ASTN1: variants seen among roughly 807,000 people sequenced by gnomAD.
The protein encoded by ASTN1 is astrotactin-1.
A neutral mutation model predicts 140.7 loss-of-function variants in ASTN1; 41 were observed. The ratio of observed to expected loss-of-function variants is 0.29; its 90% CI spans 0.23 to 0.38. The LOEUF (loss-of-function observed/expected upper bound fraction) is 0.38, where lower values mean the gene tolerates loss of function less well. Among genes scored for constraint, ASTN1 ranks in the 10% least tolerant of loss-of-function variants. ASTN1 has a pLI of 1.00. For missense variants in ASTN1, 1,479 were observed against 1,678.8 expected (o/e 0.88, Z 2.08); for synonymous variants, 640 against 652.2 (o/e 0.98, Z 0.29).
intron 6 of ASTN1, 75 bp from the exon 7 acceptor site, chr1:177,023,646 A>G: frequency 7.1e-7 from 1 of 1,413,898 alleles, no homozygotes; most frequent in Non-Finnish European, 9.4e-7. Flanking sequence ...AAGACAAGGA[A>G]ATCCCAACCT....
chr1:177,099,263 T>A (rs776861949), intron 1 of ASTN1, among the ~76,000 whole-genome samples: 9 of 152,182 alleles, frequency 5.9e-5, no homozygotes, highest in Non-Finnish European at 1.0e-4. Flanking sequence ...TATAATTATA[T>A]TCCAGAGAAA....
intron 8 of ASTN1, among the ~76,000 whole-genome samples, chr1:176,985,207 A>G (rs777955275): frequency 2.1e-4 from 32 of 152,160 alleles, no homozygotes; most frequent in Non-Finnish European, 4.4e-4. Context: ...AGATAACATG[A>G]AAAGTCTTTT....
chr1:177,069,165 T>C (rs950281686), intron 1 of ASTN1, among the ~76,000 whole-genome samples: 1 of 152,108 alleles, frequency 6.6e-6, no homozygotes, highest in Non-Finnish European at 1.5e-5. Flanking sequence ...GAGTGACCTA[T>C]TGAAACTCCA....
intron 16 of ASTN1, among the ~76,000 whole-genome samples, chr1:176,930,795 G>A (rs1372967426): frequency 2.0e-5 from 3 of 152,174 alleles, no homozygotes; most frequent in African/African-American, 4.8e-5. Context: ...AGGAAGTAGA[G>A]AAAAGAGGTA....
chr1:177,041,788 T>C lies in ASTN1; in HGVS notation c.472-8939A>G, dbSNP rs138558342. 9.8e-3 allele frequency among the ~76,000 whole-genome samples: 1,494 copies of C among 152,082 alleles called. 25 individuals carry two copies. Among genetic ancestry groups the C allele is most frequent in the African/African-American group, 0.033 (1,349 of 41,500 alleles). On this transcript the variant is annotated intron_variant, in intron 2 of 22. Coordinates refer to ENST00000361833, the MANE Select transcript of ASTN1 (RefSeq NM_004319.3). ...CTGTTTTTCTCTGATCATAAAGGAG[T>C]TGTTTAATCCCTCTTTCTCCCATTT...
intron 1 of ASTN1, among the ~76,000 whole-genome samples, chr1:177,146,727 A>T (rs1311498003): frequency 6.6e-6 from 1 of 152,214 alleles, no homozygotes; most frequent in Admixed American, 6.5e-5. Flanking sequence ...CACTGGCAAC[A>T]CACACTGTCA....
At chr1:176,875,031 T>C (rs887634467) in intron 21 of ASTN1, among the ~76,000 whole-genome samples, 3 of 152,182 alleles carry the variant, frequency 2.0e-5, no homozygotes, top group African/African-American at 7.2e-5. Context: ...AGAAAGGCAT[T>C]GAACATATCA....
chr1:176,857,431 A>G (rs1667846178), downstream of ASTN1: 1 of 402,302 alleles, frequency 2.5e-6, no homozygotes, highest in South Asian at 1.3e-4. Flanking sequence ...AGACTTTGGG[A>G]TTATAGAAGG....
chr1:177,065,106 G>A (rs148539863), intron 1 of ASTN1, among the ~76,000 whole-genome samples: 284 of 152,316 alleles, frequency 1.9e-3, no homozygotes, highest in African/African-American at 6.4e-3. Context: ...TGAGGGTGTC[G>A]AGGAGGCTCA....
intron 7 of ASTN1, among the ~76,000 whole-genome samples, chr1:177,017,567 C>G (rs1485328295): frequency 6.6e-6 from 1 of 152,194 alleles, no homozygotes; most frequent in Admixed American, 6.5e-5. Flanking sequence ...CCCTCCTAAG[C>G]TAGAAGTGTT....
chr1:176,946,402 C>T (rs1399749060), intron 12 of ASTN1, among the ~76,000 whole-genome samples: 1 of 152,116 alleles, frequency 6.6e-6, no homozygotes, highest in Non-Finnish European at 1.5e-5. Context: ...TGTACAGTTA[C>T]CCAAATAGGT....
intron 8 of ASTN1, among the ~76,000 whole-genome samples, chr1:177,012,507 G>T (rs138465526): frequency 6.6e-6 from 1 of 152,240 alleles, no homozygotes; most frequent in African/African-American, 2.4e-5. Flanking sequence ...TAGAATAATG[G>T]AAATTAAAGA....
intron 1 of ASTN1, 77 bp from the exon 2 acceptor site, chr1:177,061,342 A>G (rs2102033759): frequency 7.4e-7 from 1 of 1,359,168 alleles, no homozygotes; most frequent in East Asian, 2.6e-5. Flanking sequence ...CGCCACTTGT[A>G]CCAATTAGCC....
chr1:176,992,846 AC>A (rs1405254033), intron 8 of ASTN1, among the ~76,000 whole-genome samples: 1 of 152,006 alleles, frequency 6.6e-6, no homozygotes, highest in Non-Finnish European at 1.5e-5. Flanking sequence ...TTGAATTGTC[AC>A]CCCCGAAACT....
intron 21 of ASTN1, among the ~76,000 whole-genome samples, chr1:176,871,223 C>A (rs1487208038): frequency 1.3e-5 from 2 of 152,082 alleles, no homozygotes; most frequent in African/African-American, 2.4e-5. Context: ...GAAGTTGAGA[C>A]AAGAAGAGGC....
intron 2 of ASTN1, among the ~76,000 whole-genome samples, chr1:177,046,661 A>G (rs865855899): frequency 6.6e-6 from 1 of 152,346 alleles, no homozygotes; most frequent in South Asian, 2.1e-4. Flanking sequence ...TTAAAAAATT[A>G]TATGTATACA....
intron 8 of ASTN1, among the ~76,000 whole-genome samples, chr1:176,968,782 G>T (rs1304100067): frequency 6.6e-6 from 1 of 152,162 alleles, no homozygotes; most frequent in Admixed American, 6.5e-5. Context: ...GCCCTCAAAG[G>T]AATCTAAGGT....
chr1:177,105,128 T>C (rs1411068939), intron 1 of ASTN1, among the ~76,000 whole-genome samples: 3 of 152,058 alleles, frequency 2.0e-5, no homozygotes, highest in African/African-American at 4.8e-5. Flanking sequence ...ATTTCCTCAC[T>C]GATGGGGGAT....
intron 8 of ASTN1, among the ~76,000 whole-genome samples, chr1:176,998,096 A>C (rs1433330891): frequency 6.6e-6 from 1 of 152,124 alleles, no homozygotes; most frequent in Non-Finnish European, 1.5e-5. Context: ...ACTTGTCTTC[A>C]TACATCATGC....
Sources: allele counts gnomAD v4.1 joint callset (sites outside exome capture counted in the v4.1 genomes callset), GRCh38; gene constraint gnomAD v4.1.1; transcripts MANE v1.5; gene names NCBI Gene and HGNC (gene_info 2026-07-23, HGNC 2026-07-21).